The following CTNNA2 variants were observed in gnomAD, a reference collection of about 807,000 sequenced individuals.
CTNNA2 encodes catenin alpha 2, also known as catenin alpha-2.
Under a neutral mutation model 101.0 loss-of-function variants are expected in CTNNA2, and 42 were observed. The ratio of observed to expected loss-of-function variants is 0.42; its 90% CI spans 0.32 to 0.54. CTNNA2 has a LOEUF of 0.54. Ranked by LOEUF, CTNNA2 falls within the 20% of genes least tolerant of loss-of-function variation. The pLI is 0.14. For synonymous variants in CTNNA2, 450 were observed against 456.4 expected (o/e 0.99, Z 0.18); for missense variants, 871 against 1,223.1 (o/e 0.71, Z 4.29).
intron 7 of CTNNA2, among the ~76,000 whole-genome samples, chr2:80,385,629 CCTT>C (rs1317620053): frequency 6.6e-6 from 1 of 152,002 alleles, no homozygotes; most frequent in East Asian, 1.9e-4. Flanking sequence ...TTCTTCCCCT[CCTT>C]CTTCTTCCCT....
chr2:80,179,367 T>A (rs763054139), intron 7 of CTNNA2, among the ~76,000 whole-genome samples: 1 of 151,948 alleles, frequency 6.6e-6, no homozygotes, highest in Non-Finnish European at 1.5e-5. Flanking sequence ...TCTTTCAAGT[T>A]TTTTTTTGTT....
At chr2:80,282,171 G>T (rs1007320123) in intron 7 of CTNNA2, among the ~76,000 whole-genome samples, 3 of 152,058 alleles carry the variant, frequency 2.0e-5, no homozygotes, top group African/African-American at 7.2e-5. Context: ...CTTAAGAAAG[G>T]CAGCTTAGAC....
chr2:80,104,831 T>C (rs1700781963), intron 7 of CTNNA2, among the ~76,000 whole-genome samples: 1 of 152,218 alleles, frequency 6.6e-6, no homozygotes, highest in Non-Finnish European at 1.5e-5. Context: ...TGGGTAGCTA[T>C]AGTCAATTTT....
At chr2:80,540,694 A>G (rs913889566) in intron 9 of CTNNA2, among the ~76,000 whole-genome samples, 10 of 151,654 alleles carry the variant, frequency 6.6e-5, no homozygotes, top group African/African-American at 2.4e-4. Context: ...TTCAAGCTAT[A>G]TTATTTTTTT....
chr2:80,525,060 T>G (rs1435366334), intron 9 of CTNNA2, among the ~76,000 whole-genome samples: 1 of 152,020 alleles, frequency 6.6e-6, no homozygotes, highest in East Asian at 1.9e-4. Context: ...CTTTTTTTTT[T>G]GTATGACTTC....
intron 13 of CTNNA2, chr2:80,575,155 C>T (rs889722046): frequency 6.6e-6 from 1 of 152,144 alleles, no homozygotes; most frequent in Non-Finnish European, 1.5e-5. Flanking sequence ...AAATATACTG[C>T]ATATGCAAAA....
intron 9 of CTNNA2, among the ~76,000 whole-genome samples, chr2:80,526,944 T>G (rs572861854): frequency 5.9e-5 from 9 of 152,304 alleles, no homozygotes; most frequent in African/African-American, 2.2e-4. Context: ...TTCTAACATT[T>G]TTTGAAATTT....
chr2:80,275,747 C>T (rs1475088820), intron 7 of CTNNA2, among the ~76,000 whole-genome samples: 1 of 152,028 alleles, frequency 6.6e-6, no homozygotes, highest in Non-Finnish European at 1.5e-5. Context: ...TGTGTGTAAA[C>T]TTCCAAACGG....
chr2:79,469,561 G>A (rs1333186779), intron 4 of CTNNA2, among the ~76,000 whole-genome samples: 8 of 152,078 alleles, frequency 5.3e-5, no homozygotes, highest in African/African-American at 1.9e-4. Context: ...CCAAAGCCCA[G>A]CAGAGACACA....
At chr2:79,577,146 C>A (rs1675850240) in intron 1 of CTNNA2, among the ~76,000 whole-genome samples, 3 of 152,026 alleles carry the variant, frequency 2.0e-5, no homozygotes, top group African/African-American at 7.2e-5. Flanking sequence ...ATACTGTGTT[C>A]ATCTGAAAGT....
At chr2:79,388,218 T>C (rs1302228541) in intron 4 of CTNNA2, among the ~76,000 whole-genome samples, 1 of 152,196 alleles carries the variant, frequency 6.6e-6, no homozygotes, top group Non-Finnish European at 1.5e-5. Flanking sequence ...TTATCCAGCA[T>C]ATGTTGGAGA....
intron 9 of CTNNA2, among the ~76,000 whole-genome samples, chr2:80,476,714 T>G (rs1418750310): frequency 6.6e-6 from 1 of 152,178 alleles, no homozygotes; most frequent in Non-Finnish European, 1.5e-5. Flanking sequence ...TCTCTTGCTT[T>G]CTGGCCTCAG....
chr2:80,454,753 C>T (rs761561769), intron 9 of CTNNA2, among the ~76,000 whole-genome samples: 20 of 152,176 alleles, frequency 1.3e-4, no homozygotes, highest in African/African-American at 4.6e-4. Context: ...TCTCAGACAG[C>T]GTGTTGAGCT....
intron 2 of CTNNA2, among the ~76,000 whole-genome samples, chr2:79,255,102 G>A (rs1419464757): frequency 1.3e-5 from 2 of 152,286 alleles, no homozygotes; most frequent in East Asian, 1.9e-4. Context: ...GGAAATCTCT[G>A]TATTATATGG....
intron 3 of CTNNA2, among the ~76,000 whole-genome samples, chr2:79,846,673 G>A (rs1346646725): frequency 6.6e-6 from 1 of 152,178 alleles, no homozygotes; most frequent in Non-Finnish European, 1.5e-5. Flanking sequence ...TCAGAGTTGA[G>A]AGACCCAGCT....
At position 79,608,032 on chromosome 2, in the gene CTNNA2, G is replaced by A. The variant is rs548476671; in HGVS notation, c.-5-43520G>A. Among the ~76,000 whole-genome samples the A allele has an allele frequency of 3.9e-5, 6 of 151,936 alleles. No individual in the cohort carries two copies. The South Asian group carries it at 8.3e-4, about 21-fold the overall frequency. On this transcript the variant is annotated intron_variant, in intron 1 of 18. Coordinates refer to ENST00000402739, the MANE Select transcript of CTNNA2 (RefSeq NM_001282597.3). The stretch of plus-strand genomic sequence containing the variant: ...AGTAAGTCTCTAGCCAGACTTAGAG[G>A]GGGGCGAAAAGTAGAAAGATTCAAA...
At chr2:79,466,926 A>T (rs1300034255) in intron 4 of CTNNA2, among the ~76,000 whole-genome samples, 2 of 152,226 alleles carry the variant, frequency 1.3e-5, no homozygotes, top group African/African-American at 4.8e-5. Flanking sequence ...AAAGATGGGG[A>T]AAAAACAGAG....
intron 7 of CTNNA2, among the ~76,000 whole-genome samples, chr2:80,017,608 G>C (rs796198861): frequency 6.6e-6 from 1 of 151,788 alleles, no homozygotes; most frequent in Non-Finnish European, 1.5e-5. Context: ...AATTGATCTC[G>C]GATTTGGCCC....
chr2:79,417,811 C>T (rs1428374135), intron 4 of CTNNA2, among the ~76,000 whole-genome samples: 1 of 152,032 alleles, frequency 6.6e-6, no homozygotes, highest in Non-Finnish European at 1.5e-5. Flanking sequence ...TTTTACCCAC[C>T]ATATATATTT....
Sources: allele counts gnomAD v4.1 joint callset (sites outside exome capture counted in the v4.1 genomes callset), GRCh38; gene constraint gnomAD v4.1.1; transcripts MANE v1.5; gene names NCBI Gene and HGNC (gene_info 2026-07-23, HGNC 2026-07-21).